SEMA5A: variants seen among roughly 807,000 people sequenced by gnomAD.
The protein encoded by SEMA5A is semaphorin 5A, also known as semaphorin-5A.
A neutral mutation model predicts 135.5 loss-of-function variants in SEMA5A; 55 were observed. The ratio of observed to expected loss-of-function variants is 0.41; its 90% CI spans 0.33 to 0.51. SEMA5A has a LOEUF of 0.51. SEMA5A is among the 20% of genes least tolerant of loss of function. SEMA5A has a pLI of 0.37. For synonymous variants in SEMA5A, 580 were observed against 546.5 expected (o/e 1.06, Z -0.85); for missense variants, 1,290 against 1,419.9 (o/e 0.91, Z 1.47).
chr5:9,371,090 C>T (rs961650441), intron 3 of SEMA5A, among the ~76,000 whole-genome samples: 1 of 152,082 alleles, frequency 6.6e-6, no homozygotes, highest in Non-Finnish European at 1.5e-5. Flanking sequence ...AATCAAATTG[C>T]ACAACTTTAC....
intron 5 of SEMA5A, among the ~76,000 whole-genome samples, chr5:9,284,203 G>T (rs1213772047): frequency 1.3e-5 from 2 of 152,056 alleles, no homozygotes; most frequent in East Asian, 3.9e-4. Context: ...TTAGGAGATT[G>T]CTTGATCAAT....
intron 1 of SEMA5A, among the ~76,000 whole-genome samples, chr5:9,501,123 A>C (rs1160361458): frequency 6.6e-6 from 1 of 152,240 alleles, no homozygotes; most frequent in Non-Finnish European, 1.5e-5. Context: ...AGAATCAACA[A>C]TATTCTGAAT....
At chr5:9,365,677 T>C (rs1754885865) in intron 3 of SEMA5A, among the ~76,000 whole-genome samples, 1 of 152,160 alleles carries the variant, frequency 6.6e-6, no homozygotes, top group African/African-American at 2.4e-5. Flanking sequence ...TCCTTTTCAA[T>C]TACACCTAGA....
intron 16 of SEMA5A, among the ~76,000 whole-genome samples, chr5:9,101,234 T>G (rs1012385042): frequency 1.2e-4 from 19 of 152,228 alleles, no homozygotes; most frequent in Non-Finnish European, 2.4e-4. Flanking sequence ...CCTTAACCTT[T>G]TCAATTACTT....
At chr5:9,431,650 T>G (rs1757860661) in intron 2 of SEMA5A, among the ~76,000 whole-genome samples, 1 of 152,066 alleles carries the variant, frequency 6.6e-6, no homozygotes. Context: ...ATCCCCAAAG[T>G]CCCATGAAAT....
At chr5:9,265,571 G>A (rs1360628005) in intron 5 of SEMA5A, 2 of 456,210 alleles carry the variant, frequency 4.4e-6, no homozygotes, top group Non-Finnish European at 8.8e-6. Context: ...ATAAACTGCT[G>A]CTGATCTCAT....
At chr5:9,199,814 G>C (rs1217911342) in intron 9 of SEMA5A, among the ~76,000 whole-genome samples, 1 of 151,980 alleles carries the variant, frequency 6.6e-6, no homozygotes, top group Non-Finnish European at 1.5e-5. Context: ...CAAATCTTTA[G>C]AGACTCCATT....
intron 4 of SEMA5A, among the ~76,000 whole-genome samples, chr5:9,325,786 C>T (rs1475712918): frequency 6.6e-6 from 1 of 150,534 alleles, no homozygotes; most frequent in African/African-American, 2.4e-5. Flanking sequence ...CTTAGAATAA[C>T]TCAATTGGCC....
intron 5 of SEMA5A, among the ~76,000 whole-genome samples, chr5:9,255,710 C>T (rs1749033013): frequency 6.6e-6 from 1 of 152,116 alleles, no homozygotes; most frequent in Non-Finnish European, 1.5e-5. Context: ...TCCACTCTTC[C>T]TTCCTCCTTG....
intron 5 of SEMA5A, among the ~76,000 whole-genome samples, chr5:9,282,710 C>A (rs1750604507): frequency 6.6e-6 from 1 of 152,156 alleles, no homozygotes; most frequent in Admixed American, 6.5e-5. Flanking sequence ...CCTCCCGTGT[C>A]ATCAGATTGC....
intron 5 of SEMA5A, among the ~76,000 whole-genome samples, chr5:9,247,359 T>G (rs1434320756): frequency 2.0e-5 from 3 of 152,168 alleles, no homozygotes; most frequent in African/African-American, 7.2e-5. Context: ...ATAGCCAATA[T>G]TGATGTAAAT....
intron 2 of SEMA5A, among the ~76,000 whole-genome samples, chr5:9,404,162 G>A (rs559195998): frequency 6.6e-6 from 1 of 152,256 alleles, no homozygotes; most frequent in Non-Finnish European, 1.5e-5. Flanking sequence ...TTGAACTCCT[G>A]ACCTCAGGTG....
At chr5:9,282,049 G>A (rs1402080918) in intron 5 of SEMA5A, among the ~76,000 whole-genome samples, 3 of 151,966 alleles carry the variant, frequency 2.0e-5, no homozygotes, top group African/African-American at 7.3e-5. Flanking sequence ...CTGACCTCGT[G>A]ATCCACCCAT....
chr5:9,282,588 T>C (rs747634349), intron 5 of SEMA5A, among the ~76,000 whole-genome samples: 1 of 152,150 alleles, frequency 6.6e-6, no homozygotes, highest in South Asian at 2.1e-4. Flanking sequence ...TCCTAAATAC[T>C]TTTTCTAGAA....
chr5:9,372,369 G>A (rs114485992), intron 3 of SEMA5A, among the ~76,000 whole-genome samples: 5 of 150,986 alleles, frequency 3.3e-5, no homozygotes, highest in African/African-American at 9.8e-5. Context: ...TGTGGGACAC[G>A]CGTGGAGCCA....
At chr5:9,168,447 G>A (rs766287043) in intron 11 of SEMA5A, among the ~76,000 whole-genome samples, 6 of 152,186 alleles carry the variant, frequency 3.9e-5, no homozygotes, top group Non-Finnish European at 5.9e-5. Context: ...TAACTGCCAG[G>A]AGCCCTTATG....
intron 5 of SEMA5A, among the ~76,000 whole-genome samples, chr5:9,284,568 A>G (rs1165802922): frequency 6.6e-6 from 1 of 152,012 alleles, no homozygotes; most frequent in East Asian, 1.9e-4. Context: ...CAAATTCAAC[A>G]TATTTCATCA....
At chr5:9,537,676 G>A (rs1056440231) in intron 1 of SEMA5A, among the ~76,000 whole-genome samples, 2 of 152,210 alleles carry the variant, frequency 1.3e-5, no homozygotes, top group African/African-American at 4.8e-5. Context: ...TTCAAAGTGA[G>A]CTGGTCAGAA....
In SEMA5A at chr5:9,041,038, T is replaced by G. The variant is rs1279004946; in HGVS notation, c.*1859A>C. On this transcript the variant is annotated 3_prime_UTR_variant, in exon 23 of 23. Transcript: ENST00000382496. ...CATATAGACAGAAGACTCTGACATA[T>G]GAGGAATGAGTGAGAGGCAACATGA... The G allele has an allele frequency of 6.6e-6, 1 of 152,158 alleles. No individual in the cohort carries two copies. Among genetic ancestry groups the G allele is most frequent in the African/African-American group, 2.4e-5 (1 of 41,442 alleles). 9.4% of individuals were successfully genotyped at this position (152,158 alleles called of 1,614,324 possible). A position where few individuals can be genotyped will look rare whatever the true frequency, so the allele number is the denominator to read the frequency against.
Sources: allele counts gnomAD v4.1 joint callset (sites outside exome capture counted in the v4.1 genomes callset), GRCh38; gene constraint gnomAD v4.1.1; transcripts MANE v1.5; gene names NCBI Gene and HGNC (gene_info 2026-07-23, HGNC 2026-07-21).